NRXN3: variants seen among roughly 807,000 people sequenced by gnomAD.
NRXN3 encodes neurexin 3.
NRXN3 carries 32 observed loss-of-function variants against 137.6 expected under a neutral mutation model. That is an observed-to-expected ratio of 0.23 (90% CI 0.18 to 0.31). NRXN3 has a LOEUF of 0.31. Ranked by LOEUF, NRXN3 falls within the 10% of genes least tolerant of loss-of-function variation. NRXN3 has a pLI of 1.00. For synonymous variants in NRXN3, 798 were observed against 784.5 expected (o/e 1.02, Z -0.29); for missense variants, 1,574 against 2,062.5 (o/e 0.76, Z 4.59).
At chr14:78,452,150 C>T (rs1381400292) in intron 4 of NRXN3, among the ~76,000 whole-genome samples, 1 of 152,034 alleles carries the variant, frequency 6.6e-6, no homozygotes, top group Non-Finnish European at 1.5e-5. Flanking sequence ...TCCGGTGGTA[C>T]TGATATTATG....
At chr14:78,870,511 A>AT (rs890963616) in intron 10 of NRXN3, among the ~76,000 whole-genome samples, 15 of 151,980 alleles carry the variant, frequency 9.9e-5, no homozygotes, top group African/African-American at 2.7e-4. Context: ...AGCATTTATC[A>AT]TTTTTTTTGT....
intron 16 of NRXN3, among the ~76,000 whole-genome samples, chr14:79,467,689 A>G (rs1211353913): frequency 6.6e-6 from 1 of 152,204 alleles, no homozygotes; most frequent in East Asian, 1.9e-4. Flanking sequence ...GCAGACTTCT[A>G]GGGTATATTT....
At chr14:79,669,111 T>G (rs1365450440) in intron 17 of NRXN3, 2 of 152,118 alleles carry the variant, frequency 1.3e-5, no homozygotes, top group African/African-American at 4.8e-5. Context: ...TTGCCAGATT[T>G]GAAGCATGCA....
At chr14:78,645,050 T>C (rs927089062) in intron 4 of NRXN3, 70 bp from the exon 5 acceptor site, 2 of 1,365,290 alleles carry the variant, frequency 1.5e-6, no homozygotes, top group African/African-American at 2.9e-5. Context: ...GTGTGTTCTC[T>C]TTGGTATTTG....
At position 79,099,123 on chromosome 14, in the gene NRXN3, G is replaced by A. The variant is rs149916889; in HGVS notation, c.3262+110982G>A. ...GAAAATTCACTTAACAGGTAGAGAAGAATAGATGTGAGTAGGCAACCATAC... is the reference window on the plus strand; with the variant it reads ...GAAAATTCACTTAACAGGTAGAGAAAAATAGATGTGAGTAGGCAACCATAC... On this transcript the variant is annotated intron_variant, in intron 15 of 20. Coordinates refer to ENST00000335750, the MANE Select transcript of NRXN3 (RefSeq NM_001330195.2). Among the ~76,000 whole-genome samples, 145 of 152,324 alleles carry A rather than the reference G, an allele frequency of 9.5e-4. 3 individuals are homozygous for A. The highest frequency in any genetic ancestry group is 1.4e-3 in the Non-Finnish European group (95 of 68,038).
chr14:79,018,404 C>T (rs1446412137), intron 15 of NRXN3, among the ~76,000 whole-genome samples: 2 of 151,518 alleles, frequency 1.3e-5, no homozygotes, highest in Admixed American at 6.6e-5. Flanking sequence ...GACCTCACTA[C>T]TTTCCCTTAA....
At chr14:78,943,610 TAA>T (rs754141401) in intron 10 of NRXN3, among the ~76,000 whole-genome samples, 993 of 28,668 alleles carry the variant, frequency 0.035, 101 homozygotes, top group Middle Eastern at 0.12. Context: ...AGATCACTGT[TAA>T]AAAAAAAAAA....
intron 15 of NRXN3, among the ~76,000 whole-genome samples, chr14:79,444,946 A>G (rs2096034100): frequency 6.6e-6 from 1 of 152,244 alleles, no homozygotes; most frequent in African/African-American, 2.4e-5. Context: ...CCTGAACTCC[A>G]AGTAGCCCTG....
intron 16 of NRXN3, among the ~76,000 whole-genome samples, chr14:79,572,519 G>A (rs765307331): frequency 1.1e-4 from 16 of 152,154 alleles, no homozygotes; most frequent in South Asian, 6.2e-4. Flanking sequence ...TCACAGCATC[G>A]TGCTCTTTTG....
chr14:78,636,836 A>ATTTTTT (rs1555410754), intron 4 of NRXN3, among the ~76,000 whole-genome samples: 1 of 151,774 alleles, frequency 6.6e-6, no homozygotes, highest in African/African-American at 2.4e-5. Context: ...TTTATTTTTT[A>ATTTTTT]TTTTTTTAGC....
chr14:78,373,430 A>G (rs1223923347), intron 4 of NRXN3, among the ~76,000 whole-genome samples: 2 of 152,206 alleles, frequency 1.3e-5, no homozygotes, highest in Non-Finnish European at 2.9e-5. Flanking sequence ...GTGTGGAGAT[A>G]GCTTAGTGCA....
At chr14:79,092,376 T>C (rs1332569807) in intron 15 of NRXN3, among the ~76,000 whole-genome samples, 1 of 152,228 alleles carries the variant, frequency 6.6e-6, no homozygotes, top group African/African-American at 2.4e-5. Context: ...ATAGAAGTCC[T>C]TTCTGACTAT....
At chr14:79,081,229 C>A (rs1344101011) in intron 15 of NRXN3, among the ~76,000 whole-genome samples, 1 of 152,186 alleles carries the variant, frequency 6.6e-6, no homozygotes, top group Non-Finnish European at 1.5e-5. Context: ...AAATGAATGA[C>A]TTGAAATCCC....
At chr14:78,283,999 G>C (rs2074805888) in intron 3 of NRXN3, among the ~76,000 whole-genome samples, 1 of 152,140 alleles carries the variant, frequency 6.6e-6, no homozygotes, top group African/African-American at 2.4e-5. Context: ...CTGCAAAATG[G>C]GGACAATAAG....
intron 15 of NRXN3, among the ~76,000 whole-genome samples, chr14:79,395,486 A>G (rs1289340855): frequency 6.6e-6 from 1 of 152,050 alleles, no homozygotes; most frequent in Non-Finnish European, 1.5e-5. Flanking sequence ...GATGTTGCAT[A>G]TGTGGAGTGT....
intron 16 of NRXN3, among the ~76,000 whole-genome samples, chr14:79,639,235 T>G (rs1231164507): frequency 1.3e-5 from 2 of 152,208 alleles, no homozygotes; most frequent in Non-Finnish European, 2.9e-5. Context: ...TAAACTTTTA[T>G]TTTAGGTTCA....
intron 20 of NRXN3, among the ~76,000 whole-genome samples, chr14:79,806,198 T>G (rs1050332060): frequency 6.6e-6 from 1 of 152,194 alleles, no homozygotes; most frequent in Non-Finnish European, 1.5e-5. Flanking sequence ...CTTTCAGATT[T>G]TTTTCCTTTT....
At chr14:78,509,534 A>C (rs149987944) in intron 4 of NRXN3, among the ~76,000 whole-genome samples, 1,704 of 152,132 alleles carry the variant, frequency 0.011, 19 homozygotes, top group Middle Eastern at 0.017. Flanking sequence ...TTGGCCCTTC[A>C]CCGCCTGTTA....
chr14:78,647,812 A>G (rs2097701950), intron 5 of NRXN3, among the ~76,000 whole-genome samples: 1 of 152,250 alleles, frequency 6.6e-6, no homozygotes, highest in African/African-American at 2.4e-5. Flanking sequence ...CATTAAAATA[A>G]TATTTATAAC....
Sources: allele counts gnomAD v4.1 joint callset (sites outside exome capture counted in the v4.1 genomes callset), GRCh38; gene constraint gnomAD v4.1.1; transcripts MANE v1.5; gene names NCBI Gene and HGNC (gene_info 2026-07-23, HGNC 2026-07-21).